The following PLXNA2 variants were observed in gnomAD, a reference collection of about 807,000 sequenced individuals.
PLXNA2 encodes the protein plexin A2.
In PLXNA2, 91 loss-of-function variants were observed where a neutral mutation model predicts 193.5. The observed-to-expected ratio is 0.47, with a 90% CI of 0.40 to 0.56. The LOEUF is 0.56. Ranked by LOEUF, PLXNA2 falls within the 20% of genes least tolerant of loss-of-function variation. PLXNA2 has a pLI of 0.00. For synonymous variants in PLXNA2, 997 were observed against 1,027.3 expected (o/e 0.97, Z 0.56); for missense variants, 1,995 against 2,503.2 (o/e 0.80, Z 4.33).
chr1:208,154,700 A>G (rs766781225), intron 3 of PLXNA2, among the ~76,000 whole-genome samples: 1 of 152,162 alleles, frequency 6.6e-6, no homozygotes, highest in Non-Finnish European at 1.5e-5. Flanking sequence ...TCCTTTCTAG[A>G]TCTTCCAAGC....
intron 9 of PLXNA2, among the ~76,000 whole-genome samples, 170 bp downstream of exon 9, chr1:208,092,616 T>C (rs764194372): frequency 6.6e-6 from 1 of 152,238 alleles, no homozygotes; most frequent in African/African-American, 2.4e-5. Flanking sequence ...TTGCTGCTAC[T>C]TTTTTGAGCT....
chr1:208,092,364 G>A (rs1451841090), intron 9 of PLXNA2, among the ~76,000 whole-genome samples: 1 of 152,234 alleles, frequency 6.6e-6, no homozygotes, highest in Admixed American at 6.5e-5. Context: ...AGTTGGAAGA[G>A]AAGTTGGCAT....
At chr1:208,210,052 A>G in intron 3 of PLXNA2, 1 of 242,452 alleles carries the variant, frequency 4.1e-6, no homozygotes. Context: ...AGTTTGGGAA[A>G]TATTGAAATA....
At chr1:208,077,049 GA>G (rs1052154330) in intron 12 of PLXNA2, among the ~76,000 whole-genome samples, 35 of 151,572 alleles carry the variant, frequency 2.3e-4, no homozygotes, top group African/African-American at 6.3e-4. Context: ...AAAATGAAAA[GA>G]AAAAAAATAT....
rs372256678 is a variant in PLXNA2, at chr1:208,038,464, T to G, written c.4671A>C (p.Gln1557His). 6.0e-5 allele frequency: 97 copies of G among 1,613,832 alleles called. No homozygotes were observed. The highest frequency in any genetic ancestry group is 3.3e-4 in the Middle Eastern group (2 of 6,082). Residue 1557 changes from glutamine to histidine, a missense_variant, in exon 26 of 32, where the codon CAA becomes CAC. By Grantham distance (24) the Gln-to-His change is conservative. Transcript: ENST00000367033. The surrounding 1 kb of genome is among the most constrained non-coding windows in gnomAD (Gnocchi z 4.1). ...RAVDMDLEWR[Q>H]GRIARVVLQD... ...GCAGCACGACCCGGGCGATCCGGCC[T>G]TGGCGCCACTCTGGGTGGAGGGGGT...
At chr1:208,057,134 TAAG>T (rs1419738233) in intron 13 of PLXNA2, among the ~76,000 whole-genome samples, 7 of 152,176 alleles carry the variant, frequency 4.6e-5, no homozygotes, top group African/African-American at 1.7e-4. Context: ...TTAATAATAA[TAAG>T]AACTACAGTT....
At chr1:208,045,283 G>C in intron 18 of PLXNA2, 73 bp from the exon 19 acceptor site, 1 of 1,495,664 alleles carries the variant, frequency 6.7e-7, no homozygotes, top group African/African-American at 1.4e-5. Context: ...CTTAAAAAGA[G>C]ATTAAGGAGA....
intron 3 of PLXNA2, among the ~76,000 whole-genome samples, chr1:208,209,654 C>A (rs1670861424): frequency 6.6e-6 from 1 of 152,104 alleles, no homozygotes; most frequent in Admixed American, 6.5e-5. Context: ...GCAGAAGTAC[C>A]CTGGGAGGCG....
intron 22 of PLXNA2, among the ~76,000 whole-genome samples, chr1:208,040,820 G>A (rs72739450): frequency 2.1e-4 from 32 of 152,226 alleles, no homozygotes; most frequent in African/African-American, 7.7e-4. Context: ...TTTGCCAACA[G>A]GGGATTTGCT....
chr1:208,135,070 T>C (rs1668262517), intron 4 of PLXNA2, among the ~76,000 whole-genome samples: 1 of 151,916 alleles, frequency 6.6e-6, no homozygotes, highest in Admixed American at 6.6e-5. Context: ...TGCTGGACAT[T>C]GGTGGATGGT....
At chr1:208,068,426 C>G (rs1665867639) in intron 12 of PLXNA2, among the ~76,000 whole-genome samples, 1 of 152,190 alleles carries the variant, frequency 6.6e-6, no homozygotes, top group Admixed American at 6.5e-5. Flanking sequence ...GAACAGCTGC[C>G]TCCTCATCAA....
rs879005347 is a variant in PLXNA2 at position 208,024,091 on chromosome 1, T to A, written c.*3152A>T. 2 of 152,344 alleles carry A rather than the reference T, an allele frequency of 1.3e-5. No individual in the cohort carries two copies. The highest frequency in any genetic ancestry group is 4.1e-4 in the South Asian group (2 of 4,832). The allele number at this position is 152,344 out of a possible 1,614,324, so 9.4% of individuals were successfully genotyped here. A position where few individuals can be genotyped will look rare whatever the true frequency, so the allele number is the denominator to read the frequency against. On this transcript the variant is annotated 3_prime_UTR_variant, in exon 32 of 32. Coordinates refer to ENST00000367033, the MANE Select transcript of PLXNA2 (RefSeq NM_025179.4). Reference sequence around the variant, plus strand: ...CTCCATTGCCCATTAGCATCCTCTGTCTTGCCAAGCACCCTTCTGGGGTCC... The same window carrying A: ...CTCCATTGCCCATTAGCATCCTCTGACTTGCCAAGCACCCTTCTGGGGTCC...
chr1:208,201,450 C>G (rs546747386), intron 3 of PLXNA2, among the ~76,000 whole-genome samples: 15 of 152,148 alleles, frequency 9.9e-5, no homozygotes, highest in Non-Finnish European at 1.9e-4. Context: ...TAGATTAGTT[C>G]GGCTCAGCTG....
At chr1:208,080,260 T>C (rs1233508568) in intron 11 of PLXNA2, among the ~76,000 whole-genome samples, 1 of 152,074 alleles carries the variant, frequency 6.6e-6, no homozygotes, top group Non-Finnish European at 1.5e-5. Flanking sequence ...ATGGAGAATA[T>C]GTCCCCAGAG....
intron 31 of PLXNA2, 70 bp downstream of exon 31, chr1:208,027,939 A>G (rs184922788): frequency 1.4e-6 from 2 of 1,414,878 alleles, no homozygotes; most frequent in South Asian, 1.5e-5. Context: ...ATTGCCATCT[A>G]TTTAAGGACT....
At position 208,028,143 on chromosome 1, in the gene PLXNA2, C is replaced by T. The variant is rs780393666; in HGVS notation, c.5455G>A (p.Ala1819Thr). 1.2e-5 allele frequency: 20 copies of T among 1,611,972 alleles called. No individual in the cohort carries two copies. The highest frequency in any genetic ancestry group is 1.7e-5 in the Admixed American group (1 of 59,740). ...SWVERYYADI[A>T]KLPAISDQDM... is the part of the protein sequence containing the mutation. ...TGGTCACTGATGGCTGGGAGCTTGG[C>T]GATGTCTGCGTAGTATCTGCCAGAG... The change falls in exon 31 of 32, where the codon GCC becomes ACC. Residue 1819 changes from alanine (A) to threonine (T), a missense_variant. By Grantham distance (58) the Ala-to-Thr change is moderately conservative. Around this residue, in one of 3 missense-constraint regions of PLXNA2, gnomAD observed 1,291 missense variants for 1,673.6 expected, o/e 0.77. Transcript: ENST00000367033. The surrounding 1 kb of genome is among the most constrained non-coding windows in gnomAD (Gnocchi z 4.2).
At chr1:208,031,188 C>T in intron 29 of PLXNA2, 3 of 1,033,162 alleles carry the variant, frequency 2.9e-6, no homozygotes, top group East Asian at 1.9e-4. Flanking sequence ...TAGAACTGCC[C>T]CACTCAGAAT....
At chr1:208,161,252 T>A (rs1669097089) in intron 3 of PLXNA2, among the ~76,000 whole-genome samples, 1 of 152,216 alleles carries the variant, frequency 6.6e-6, no homozygotes, top group Non-Finnish European at 1.5e-5. Flanking sequence ...GGCATTTGAA[T>A]GAACCACAGA....
At position 208,039,676 on chromosome 1, in the gene PLXNA2, C is replaced by G; in HGVS notation, c.4445G>C (p.Arg1482Pro). ...GPIDAITGEA[R>P]YSLSEDKLIR... Reference sequence around the variant, plus strand: ...GAGCTTGTCCTCGCTCAGGGAGTAGCGGGCCTCGCCCGTGATGGCATCAAT... The same window carrying G: ...GAGCTTGTCCTCGCTCAGGGAGTAGGGGGCCTCGCCCGTGATGGCATCAAT... Residue 1482 changes from arginine to proline, a missense_variant, in exon 24 of 32, where the codon CGC (arginine) becomes CCC (proline). Physicochemically the swap from Arg to Pro is moderately radical, Grantham distance 103 (BLOSUM62 -2). Around this residue, in one of 3 missense-constraint regions of PLXNA2, gnomAD observed 1,291 missense variants for 1,673.6 expected, o/e 0.77. Coordinates refer to ENST00000367033, the MANE Select transcript of PLXNA2 (RefSeq NM_025179.4). 6.2e-7 allele frequency: 1 copy of G among 1,614,206 alleles called. No homozygotes were observed.
Sources: gnomAD v4.1 joint callset for allele counts (sites outside exome capture counted in the v4.1 genomes callset) on GRCh38, gnomAD v4.1.1 for gene constraint, gnomAD v4.1.1 regional missense constraint, Gnocchi (gnomAD v3.1) non-coding constraint, MANE v1.5 for transcripts, NCBI Gene and HGNC (gene_info 2026-07-23, HGNC 2026-07-21) for gene names.